The following ALG10B variants were observed in gnomAD, a reference collection of about 807,000 sequenced individuals.
ALG10B encodes dol-P-Glc:Glc(2)Man(9)GlcNAc(2)-PP-Dol alpha-1,2-glucosyltransferase B.
In ALG10B, 27 loss-of-function variants were observed where a neutral mutation model predicts 38.7. The ratio of observed to expected loss-of-function variants is 0.70; its 90% CI spans 0.51 to 0.96. ALG10B has a LOEUF of 0.96. ALG10B is among the 40% of genes least tolerant of loss of function. ALG10B has a pLI of 0.00. For synonymous variants in ALG10B, 177 were observed against 193.3 expected (o/e 0.92, Z 0.70); for missense variants, 522 against 542.7 (o/e 0.96, Z 0.38).
chr12:38,318,124 G>A (rs1945672119), intron 1 of ALG10B, 137 bp from the exon 2 acceptor site: 2 of 1,148,618 alleles, frequency 1.7e-6, no homozygotes, highest in Non-Finnish European at 2.6e-6. Flanking sequence ...TTCTGCCAAG[G>A]ACTTACTTAA....
Position 38,329,570 on chromosome 12 carries a change from C to T in ALG10B, c.*8357C>T. On this transcript the variant is annotated 3_prime_UTR_variant, in exon 3 of 3. Coordinates refer to ENST00000308742, the MANE Select transcript of ALG10B (RefSeq NM_001013620.4). ...TTTAAGTTATGTATTACATACTATT[C>T]TCTAAAATAGAAATGTTTATTTGGC... 1 of 207,134 alleles carries T rather than the reference C, an allele frequency of 4.8e-6. No individual in the cohort carries two copies. Among genetic ancestry groups the T allele is most frequent in the Non-Finnish European group, 9.5e-6 (1 of 105,238 alleles). 12.8% of individuals were successfully genotyped at this position (207,134 alleles called of 1,614,324 possible). A position where few individuals can be genotyped will look rare whatever the true frequency, so the allele number is the denominator to read the frequency against.
rs1945754430 is a variant in ALG10B at position 38,327,410 on chromosome 12, T to G, written c.*6197T>G. 1 of 152,216 alleles carries G rather than the reference T, an allele frequency of 6.6e-6. No individual in the cohort carries two copies. Among genetic ancestry groups the G allele is most frequent in the African/African-American group, 2.4e-5 (1 of 41,458 alleles). 9.4% of individuals were successfully genotyped at this position (152,216 alleles called of 1,614,324 possible). ...TGGTTGCCATCATTCATTGAACACC[T>G]ATAATGTTTTAGGCATTATACTAGC... On this transcript the variant is annotated 3_prime_UTR_variant, in exon 3 of 3. Transcript: ENST00000308742.
Position 38,326,351 on chromosome 12 carries a change from T to C in ALG10B, c.*5138T>C, listed in dbSNP as rs1945744266. 1 of 152,034 alleles carries C rather than the reference T, an allele frequency of 6.6e-6. No individual in the cohort carries two copies. Among genetic ancestry groups the C allele is most frequent in the Non-Finnish European group, 1.5e-5 (1 of 67,998 alleles). 9.4% of individuals were successfully genotyped at this position (152,034 alleles called of 1,614,324 possible). A position where few individuals can be genotyped will look rare whatever the true frequency, so the allele number is the denominator to read the frequency against. ...ATTTAATGCTTATACATGTATTTAC[T>C]TGTAAACATGTTGTTTCTTTGATAG... On this transcript the variant is annotated 3_prime_UTR_variant, in exon 3 of 3. Coordinates refer to ENST00000308742, the MANE Select transcript of ALG10B (RefSeq NM_001013620.4).
At position 38,324,071 on chromosome 12, in the gene ALG10B, C is replaced by A. The variant is rs925100075; in HGVS notation, c.*2858C>A. 60 of 630,070 alleles carry A rather than the reference C, an allele frequency of 9.5e-5. No homozygotes were observed. The African/African-American group carries it at 9.6e-4, about 10-fold the overall frequency. The allele number at this position is 630,070 out of a possible 1,614,324, so 39.0% of individuals were successfully genotyped here. A position where few individuals can be genotyped will look rare whatever the true frequency, so the allele number is the denominator to read the frequency against. ...CTTTGAGGAGAAGTCTCGCTCTTGT[C>A]CCCCAGGCTGGAATGCAATGGCGCG... On this transcript the variant is annotated 3_prime_UTR_variant, in exon 3 of 3. Coordinates refer to ENST00000308742, the MANE Select transcript of ALG10B (RefSeq NM_001013620.4).
rs1174226239 is a variant in ALG10B, at chr12:38,323,772, C to T, written c.*2559C>T. 5 of 632,210 alleles carry T rather than the reference C, an allele frequency of 7.9e-6. No homozygotes were observed. The highest frequency in any genetic ancestry group is 5.5e-5 in the African/African-American group (3 of 54,544). The allele number at this position is 632,210 out of a possible 1,614,324, so 39.2% of individuals were successfully genotyped here. A position where few individuals can be genotyped will look rare whatever the true frequency, so the allele number is the denominator to read the frequency against. On this transcript the variant is annotated 3_prime_UTR_variant, in exon 3 of 3. Coordinates refer to ENST00000308742, the MANE Select transcript of ALG10B (RefSeq NM_001013620.4). ...TTCTTAAAAATTAGATGAGAGAGGA[C>T]ACTCAAAGAAATTATACTTTTGTCA...
At position 38,325,737 on chromosome 12, in the gene ALG10B, A is replaced by C. The variant is rs1459333767; in HGVS notation, c.*4524A>C. The C allele has an allele frequency of 6.6e-6, 1 of 152,150 alleles. No homozygotes were observed. Among genetic ancestry groups the C allele is most frequent in the Non-Finnish European group, 1.5e-5 (1 of 68,000 alleles). 9.4% of individuals were successfully genotyped at this position (152,150 alleles called of 1,614,324 possible). On this transcript the variant is annotated 3_prime_UTR_variant, in exon 3 of 3. Transcript: ENST00000308742. ...TTGTGGCTCTGGGATCAATAAGGCAAGTGGTTTAGTCTTTAGTCCTCATTT... is the reference window on the plus strand; with the variant it reads ...TTGTGGCTCTGGGATCAATAAGGCACGTGGTTTAGTCTTTAGTCCTCATTT...
intron 2 of ALG10B, among the ~76,000 whole-genome samples, chr12:38,318,846 C>T (rs1591936419): frequency 6.6e-6 from 1 of 152,148 alleles, no homozygotes; most frequent in African/African-American, 2.4e-5. Flanking sequence ...TAGTGCAGGC[C>T]CCGGAGGTCG....
rs1428243873 is a variant in ALG10B at position 38,320,925 on chromosome 12, A to T, written c.1134A>T (p.Ile378=). The T allele has an allele frequency of 6.2e-7, 1 of 1,613,740 alleles. No individual in the cohort carries two copies. Among genetic ancestry groups the T allele is most frequent in the Admixed American group, 1.7e-5 (1 of 59,968 alleles). The change falls in exon 3 of 3, where the codon ATA becomes ATT. Residue 378 remains isoleucine (I), a synonymous_variant. Coordinates refer to ENST00000308742, the MANE Select transcript of ALG10B (RefSeq NM_001013620.4). ...AATATTTGTTAGTTCCAGCCTATATATTTGCTGGTTGGAGTATAGCTGACT... is the reference window on the plus strand; with the variant it reads ...AATATTTGTTAGTTCCAGCCTATATTTTTGCTGGTTGGAGTATAGCTGACT... The part of the protein sequence containing the change: ...ILKYLLVPAY[I]FAGWSIADSL...
intron 1 of ALG10B, chr12:38,317,270 C>G (rs899547393): frequency 1.3e-6 from 1 of 754,838 alleles, no homozygotes; most frequent in African/African-American, 1.8e-5. Context: ...CAGATCTGAT[C>G]CCCAGGGAGG....
chr12:38,317,162 A>G, intron 1 of ALG10B, 98 bp downstream of exon 1: 1 of 1,542,698 alleles, frequency 6.5e-7, no homozygotes, highest in Non-Finnish European at 8.8e-7. Flanking sequence ...GTCCCTTTCC[A>G]CCCCACCCCA....
rs138776092 is a variant in ALG10B at position 38,316,969 on chromosome 12, G to T, written c.76G>T (p.Ala26Ser). Residue 26 changes from alanine (A) to serine (S), a missense_variant, in exon 1 of 3, where the codon GCC becomes TCC. Ala to Ser is a moderately conservative substitution (Grantham distance 99). Transcript: ENST00000308742. Reference protein sequence around the residue: ...TFLVSCLLFSAFSRALREPYM... With the variant: ...TFLVSCLLFSSFSRALREPYM... The stretch of plus-strand genomic sequence containing the variant: ...TTTAGTGTCCTGCCTCCTCTTCTCC[G>T]CCTTCAGCCGGGCGCTGCGAGAGCC... 6 of 1,614,100 alleles carry T rather than the reference G, an allele frequency of 3.7e-6. No individual in the cohort carries two copies. The highest frequency in any genetic ancestry group is 1.7e-5 in the Admixed American group (1 of 60,022).
Position 38,320,336 on chromosome 12 carries a change from G to C in ALG10B, c.545G>C (p.Gly182Ala), listed in dbSNP as rs1945690332. 6 of 1,613,982 alleles carry C rather than the reference G, an allele frequency of 3.7e-6. No individual in the cohort carries two copies. The highest frequency in any genetic ancestry group is 4.2e-6 in the Non-Finnish European group (5 of 1,179,962). Residue 182 changes from glycine to alanine, a missense_variant, in exon 3 of 3, where the codon GGC (glycine) becomes GCC (alanine). Physicochemically the swap from Gly to Ala is moderately conservative, Grantham distance 60. Coordinates refer to ENST00000308742, the MANE Select transcript of ALG10B (RefSeq NM_001013620.4). ...ACTTCAGCCTTCCTTGGATTTTGTG[G>C]CTTCATGTTTCGGCAAACAAATATC... ...HKTSAFLGFC[G>A]FMFRQTNIIW...
Position 38,328,476 on chromosome 12 carries a change from C to T in ALG10B, c.*7263C>T, listed in dbSNP as rs1001463610. ...CCGCCAGTGATAAAAAAAGGCTGAG[C>T]ACTATCTGTAAAAATTTTTAAGGTG... On this transcript the variant is annotated 3_prime_UTR_variant, in exon 3 of 3. Coordinates refer to ENST00000308742, the MANE Select transcript of ALG10B (RefSeq NM_001013620.4). 31 of 152,180 alleles carry T rather than the reference C, an allele frequency of 2.0e-4. No individual in the cohort carries two copies. The highest frequency in any genetic ancestry group is 7.5e-4 in the African/African-American group (31 of 41,544). 9.4% of individuals were successfully genotyped at this position (152,180 alleles called of 1,614,324 possible).
In ALG10B at chr12:38,328,232, C is replaced by A. The variant is rs1244164811; in HGVS notation, c.*7019C>A. The A allele has an allele frequency of 6.6e-6, 1 of 152,114 alleles. No homozygotes were observed. The highest frequency in any genetic ancestry group is 1.5e-5 in the Non-Finnish European group (1 of 68,000). The allele number at this position is 152,114 out of a possible 1,614,324, so 9.4% of individuals were successfully genotyped here. A position where few individuals can be genotyped will look rare whatever the true frequency, so the allele number is the denominator to read the frequency against. ...ATTGCTAAGTCATGGTCAAGTATTT[C>A]TGATGACTTACATGCTGTCTTTGGT... On this transcript the variant is annotated 3_prime_UTR_variant, in exon 3 of 3. Transcript: ENST00000308742.
At chr12:38,318,987 A>T (rs1458721050) in intron 2 of ALG10B, among the ~76,000 whole-genome samples, 1 of 152,214 alleles carries the variant, frequency 6.6e-6, no homozygotes, top group Admixed American at 6.5e-5. Flanking sequence ...TAGAACTGTT[A>T]TAAAGGAACA....
chr12:38,317,591 T>C, intron 1 of ALG10B: 1 of 175,334 alleles, frequency 5.7e-6, no homozygotes, highest in Admixed American at 5.5e-5. Context: ...ACATCATTTT[T>C]GAATATATAT....
At position 38,329,670 on chromosome 12, in the gene ALG10B, T is replaced by G. The variant is rs1945776914; in HGVS notation, c.*8457T>G. The G allele has an allele frequency of 6.5e-6, 1 of 153,810 alleles. No homozygotes were observed. Among genetic ancestry groups the G allele is most frequent in the African/African-American group, 2.4e-5 (1 of 41,528 alleles). The allele number at this position is 153,810 out of a possible 1,614,324, so 9.5% of individuals were successfully genotyped here. A position where few individuals can be genotyped will look rare whatever the true frequency, so the allele number is the denominator to read the frequency against. Reference sequence around the variant, plus strand: ...AACTTATTCTTTATAAAAAAGTTTGTTCAAATAGCATGTTTTTATTTTGTT... The same window carrying G: ...AACTTATTCTTTATAAAAAAGTTTGGTCAAATAGCATGTTTTTATTTTGTT... On this transcript the variant is annotated 3_prime_UTR_variant, in exon 3 of 3. Coordinates refer to ENST00000308742, the MANE Select transcript of ALG10B (RefSeq NM_001013620.4).
Position 38,321,105 on chromosome 12 carries a change from T to C in ALG10B, c.1314T>C (p.Val438=). 1.2e-6 allele frequency: 2 copies of C among 1,613,884 alleles called. No individual in the cohort carries two copies. Among genetic ancestry groups the C allele is most frequent in the Non-Finnish European group, 1.7e-6 (2 of 1,179,832 alleles). The change falls in exon 3 of 3, where the codon GTT becomes GTC. Residue 438 remains valine, a synonymous_variant. Coordinates refer to ENST00000308742, the MANE Select transcript of ALG10B (RefSeq NM_001013620.4). ...NITLPPTSRL[V]CELSCYAIVN... The stretch of plus-strand genomic sequence containing the variant: ...CTCTGCCTCCCACATCCAGACTTGT[T>C]TGTGAACTGAGTTGCTATGCAATTG...
chr12:38,329,351 G>A lies in ALG10B; in HGVS notation c.*8138G>A. 2.5e-6 allele frequency: 1 copy of A among 396,358 alleles called. No homozygotes were observed. Among genetic ancestry groups the A allele is most frequent in the Non-Finnish European group, 4.4e-6 (1 of 224,988 alleles). 24.6% of individuals were successfully genotyped at this position (396,358 alleles called of 1,614,324 possible). A position where few individuals can be genotyped will look rare whatever the true frequency, so the allele number is the denominator to read the frequency against. On this transcript the variant is annotated 3_prime_UTR_variant, in exon 3 of 3. Transcript: ENST00000308742. ...AACATACATTGACATAAAGACCTTT[G>A]TTTTAATATGAATGATTCCAGTTAA...
Sources: allele counts gnomAD v4.1 joint callset (sites outside exome capture counted in the v4.1 genomes callset), GRCh38; gene constraint gnomAD v4.1.1; transcripts MANE v1.5; gene names NCBI Gene and HGNC (gene_info 2026-07-23, HGNC 2026-07-21).